Variants in CREB1 observed in about 807,000 individuals in gnomAD.
CREB1 encodes the protein cAMP responsive element binding protein 1.
A neutral mutation model predicts 42.0 loss-of-function variants in CREB1; 2 were observed. The ratio of observed to expected loss-of-function variants is 0.05; its 90% CI spans 0.02 to 0.15. The LOEUF is 0.15. CREB1 is among the 10% of genes least tolerant of loss of function. CREB1 has a pLI of 1.00. For missense variants in CREB1, 199 were observed against 388.9 expected, an observed-to-expected ratio of 0.51 and a Z score of 4.11; for synonymous variants, 123 against 139.9, an observed-to-expected ratio of 0.88 and a Z score of 0.85.
Position 207,604,862 on chromosome 2 carries a change from G to A in CREB1, c.*7804G>A, listed in dbSNP as rs1342727136. ...ATTACTTCTTTCGTCTAGCTTTAAT[G>A]TGTTGTTGAGGTTGATCCATTGTAA... On this transcript the variant is annotated 3_prime_UTR_variant, in exon 8 of 8. Transcript: ENST00000353267. Among the ~76,000 whole-genome samples the A allele has an allele frequency of 6.6e-6, 1 of 152,178 alleles. No homozygotes were observed. The highest frequency in any genetic ancestry group is 1.9e-4 in the East Asian group (1 of 5,198).
chr2:207,556,322 TCTC>T (rs542191099), intron 2 of CREB1, among the ~76,000 whole-genome samples: 2 of 152,314 alleles, frequency 1.3e-5, no homozygotes, highest in African/African-American at 2.4e-5. Flanking sequence ...TTGCATGCAT[TCTC>T]CTCAACTATT....
At chr2:207,565,259 A>G (rs973318474) in intron 3 of CREB1, among the ~76,000 whole-genome samples, 2 of 152,166 alleles carry the variant, frequency 1.3e-5, no homozygotes, top group Admixed American at 1.3e-4. Context: ...TTGGCTTGGT[A>G]TATTCTGTGG....
intron 3 of CREB1, among the ~76,000 whole-genome samples, chr2:207,563,624 A>C (rs2082032442): frequency 6.6e-6 from 1 of 152,196 alleles, no homozygotes; most frequent in African/African-American, 2.4e-5. Flanking sequence ...CAAGCTTAGA[A>C]TCTGACTTCT....
chr2:207,593,874 A>G (rs1295655958), intron 7 of CREB1, among the ~76,000 whole-genome samples: 5 of 152,042 alleles, frequency 3.3e-5, no homozygotes, highest in Non-Finnish European at 7.4e-5. Flanking sequence ...ACCTGCCACC[A>G]TCCCCAGCTA....
chr2:207,596,034 T>C (rs1213458734), intron 7 of CREB1, among the ~76,000 whole-genome samples: 1 of 152,254 alleles, frequency 6.6e-6, no homozygotes, highest in Non-Finnish European at 1.5e-5. Context: ...TTTGGTGTTG[T>C]ATTTAAGATA....
At chr2:207,559,219 A>T in intron 2 of CREB1, 1 of 755,524 alleles carries the variant, frequency 1.3e-6, no homozygotes, top group Non-Finnish European at 1.6e-6. Flanking sequence ...TTTTGCCACT[A>T]CTCCACTCTG....
intron 3 of CREB1, chr2:207,561,219 A>G: frequency 7.2e-7 from 1 of 1,390,068 alleles, no homozygotes; most frequent in South Asian, 1.2e-5. Context: ...GTGAGAAATT[A>G]TTCTTTATGT....
At position 207,605,093 on chromosome 2, in the gene CREB1, G is replaced by A. The variant is rs971020680; in HGVS notation, c.*8035G>A. Among the ~76,000 whole-genome samples the A allele has an allele frequency of 6.6e-6, 1 of 152,150 alleles. No homozygotes were observed. Among genetic ancestry groups the A allele is most frequent in the Non-Finnish European group, 1.5e-5 (1 of 68,034 alleles). ...TTATTTGGGGTATATGCCTGGGAGT[G>A]GAGTTGCTGGGTCATGTTGAAATCG... On this transcript the variant is annotated 3_prime_UTR_variant, in exon 8 of 8. Coordinates refer to ENST00000353267, the MANE Select transcript of CREB1 (RefSeq NM_004379.5).
intron 1 of CREB1, among the ~76,000 whole-genome samples, chr2:207,539,717 A>G (rs2081019395): frequency 6.6e-6 from 1 of 152,202 alleles, no homozygotes; most frequent in African/African-American, 2.4e-5. Context: ...GAAGAGCTAC[A>G]GAGTTCAGAA....
chr2:207,600,678 T>G lies in CREB1; in HGVS notation c.*3620T>G, dbSNP rs1371106498. On this transcript the variant is annotated 3_prime_UTR_variant, in exon 8 of 8. Transcript: ENST00000353267. ...AGCAGGGATTTTGTCAGAAAATGTG[T>G]TTTGATGGTAGGTCAGCAGCAGTGC... 2 of 211,216 alleles carry G rather than the reference T, an allele frequency of 9.5e-6. No individual in the cohort carries two copies. The highest frequency in any genetic ancestry group is 5.9e-5 in the Admixed American group (1 of 17,018). 13.1% of individuals were successfully genotyped at this position (211,216 alleles called of 1,614,324 possible).
chr2:207,569,722 A>G (rs911752808), intron 4 of CREB1, among the ~76,000 whole-genome samples: 10 of 151,918 alleles, frequency 6.6e-5, no homozygotes, highest in Non-Finnish European at 1.3e-4. Flanking sequence ...TGACCCATGA[A>G]GAGTTTATTC....
chr2:207,570,407 C>A, intron 5 of CREB1, 86 bp downstream of exon 5: 2 of 1,297,040 alleles, frequency 1.5e-6, no homozygotes, highest in Non-Finnish European at 2.1e-6. Context: ...TCAGAGAAAC[C>A]AATACAAGTG....
Position 207,602,561 on chromosome 2 carries a change from G to A in CREB1, c.*5503G>A. The A allele has an allele frequency of 4.7e-6, 1 of 211,378 alleles. No homozygotes were observed. Among genetic ancestry groups the A allele is most frequent in the Non-Finnish European group, 9.6e-6 (1 of 104,178 alleles). The allele number at this position is 211,378 out of a possible 1,614,324, so 13.1% of individuals were successfully genotyped here. A position where few individuals can be genotyped will look rare whatever the true frequency, so the allele number is the denominator to read the frequency against. ...CTCAGAGAAGTGAGAGTAAATCTGA[G>A]TTAGCTTAAAAATTGGTAGGGAGGA... On this transcript the variant is annotated 3_prime_UTR_variant, in exon 8 of 8. Coordinates refer to ENST00000353267, the MANE Select transcript of CREB1 (RefSeq NM_004379.5).
chr2:207,548,409 T>C (rs1267873781), intron 1 of CREB1, among the ~76,000 whole-genome samples: 2 of 152,168 alleles, frequency 1.3e-5, no homozygotes, highest in Non-Finnish European at 2.9e-5. Context: ...TTCTCTGAGC[T>C]AAATCCAATA....
chr2:207,559,176 T>G (rs2081858394), intron 2 of CREB1: 1 of 248,270 alleles, frequency 4.0e-6, no homozygotes, highest in East Asian at 1.8e-4. Context: ...CTGCTGGTTA[T>G]CCCACTCTGC....
chr2:207,604,548 A>C lies in CREB1; in HGVS notation c.*7490A>C, dbSNP rs2087741648. Among the ~76,000 whole-genome samples the C allele has an allele frequency of 2.0e-5, 3 of 152,218 alleles. No homozygotes were observed. Among genetic ancestry groups the C allele is most frequent in the Admixed American group, 1.3e-4 (2 of 15,280 alleles). ...AATTCTAACACGGGCCTGACATCAA[A>C]TGGAAAGGAAGGATAATGTCCAGGA... On this transcript the variant is annotated 3_prime_UTR_variant, in exon 8 of 8. Transcript: ENST00000353267.
At chr2:207,557,663 G>A (rs2081785583) in intron 2 of CREB1, among the ~76,000 whole-genome samples, 1 of 151,968 alleles carries the variant, frequency 6.6e-6, no homozygotes, top group African/African-American at 2.4e-5. Context: ...ATCTCAAAAA[G>A]TAAATAAATA....
At chr2:207,570,157 T>C in intron 4 of CREB1, 22 bp from the exon 5 acceptor site, 2 of 1,565,370 alleles carry the variant, frequency 1.3e-6, no homozygotes, top group East Asian at 2.3e-5. Context: ...TTTTTAATTA[T>C]TCTAGTTTTC....
intron 7 of CREB1, 30 bp from the exon 8 acceptor site, chr2:207,596,884 A>C (rs995601442): frequency 1.3e-6 from 2 of 1,584,932 alleles, no homozygotes; most frequent in Non-Finnish European, 1.7e-6. Flanking sequence ...AATCATTTGC[A>C]TAATTTTTCC....
Sources: gnomAD v4.1 joint callset for allele counts (sites outside exome capture counted in the v4.1 genomes callset) on GRCh38, gnomAD v4.1.1 for gene constraint, MANE v1.5 for transcripts, NCBI Gene and HGNC (gene_info 2026-07-23, HGNC 2026-07-21) for gene names.